GRIN2B: variants seen among roughly 807,000 people sequenced by gnomAD.
GRIN2B encodes the protein glutamate receptor ionotropic, NMDA 2B.
GRIN2B carries 5 observed loss-of-function variants against 114.5 expected under a neutral mutation model. That is an observed-to-expected ratio of 0.04 (90% confidence interval 0.02 to 0.09). The LOEUF is 0.09. Among genes scored for constraint, GRIN2B ranks in the 10% least tolerant of loss-of-function variants. GRIN2B has a pLI of 1.00. For missense variants in GRIN2B, 1,108 were observed against 1,943.5 expected (o/e 0.57, Z 8.08); for synonymous variants, 787 against 745.1 (o/e 1.06, Z -0.92).
intron 4 of GRIN2B, among the ~76,000 whole-genome samples, chr12:13,728,851 G>A (rs74732276): frequency 1.4e-3 from 213 of 152,296 alleles, no homozygotes; most frequent in African/African-American, 4.8e-3. Context: ...TAACCTACCA[G>A]TTTGATAATC....
At chr12:13,773,019 C>A (rs1863935205) in intron 3 of GRIN2B, among the ~76,000 whole-genome samples, 1 of 152,154 alleles carries the variant, frequency 6.6e-6, no homozygotes, top group Admixed American at 6.5e-5. Flanking sequence ...GGATTTCACA[C>A]TCCAACACAA....
At chr12:13,877,817 T>C (rs1174767526) in intron 2 of GRIN2B, among the ~76,000 whole-genome samples, 7 of 151,976 alleles carry the variant, frequency 4.6e-5, no homozygotes, top group Non-Finnish European at 1.0e-4. Flanking sequence ...AATCCCAGCA[T>C]TTTGGGAGGC....
At position 13,753,610 on chromosome 12, in the gene GRIN2B, G is replaced by A. The variant is rs759323084; in HGVS notation, c.717C>T (p.Tyr239=). 2.8e-5 allele frequency: 46 copies of A among 1,614,072 alleles called. No individual in the cohort carries two copies. The highest frequency in any genetic ancestry group is 3.7e-5 in the Non-Finnish European group (44 of 1,180,016). The part of the protein sequence containing the change: ...LLYCTKEEAT[Y]IFEVANSVGL... Reference sequence around the variant, plus strand: ...CTACTGAGTTGGCCACTTCAAAGATGTAGGTGGCTTCTTCCTTGGTACAGT... The same window carrying A: ...CTACTGAGTTGGCCACTTCAAAGATATAGGTGGCTTCTTCCTTGGTACAGT... Residue 239 remains tyrosine (Y), a synonymous_variant, in exon 4 of 14, where the codon TAC becomes TAT. Coordinates refer to ENST00000609686, the MANE Select transcript of GRIN2B (RefSeq NM_000834.5). The surrounding 1 kb of genome is among the most constrained non-coding windows in gnomAD (Gnocchi z 6.2).
At chr12:13,704,425 G>A (rs975349848) in intron 4 of GRIN2B, among the ~76,000 whole-genome samples, 32 of 152,226 alleles carry the variant, frequency 2.1e-4, no homozygotes, top group African/African-American at 6.7e-4. Context: ...ATCTTTTAAC[G>A]ACTCAAACCA....
chr12:13,866,137 G>T lies in GRIN2B; in HGVS notation c.72C>A (p.Ser24Arg). 6.2e-7 allele frequency: 1 copy of T among 1,613,584 alleles called. No homozygotes were observed. Residue 24 changes from serine to arginine, a missense_variant, in exon 3 of 14, where the codon AGC (serine) becomes AGA (arginine). Physicochemically the swap from Ser to Arg is moderately radical, Grantham distance 110. Transcript: ENST00000609686. The part of the protein sequence containing the change: ...LVLAVLAVSG[S>R]RARSQKSPPS... ...GGGGGCTCTTCTGAGAACGAGCTCT[G>T]CTGCCTGACACGGCCAGGACGGCCA...
At chr12:13,626,933 G>C (rs1048558444) in intron 5 of GRIN2B, among the ~76,000 whole-genome samples, 1 of 150,792 alleles carries the variant, frequency 6.6e-6, no homozygotes, top group African/African-American at 2.4e-5. Flanking sequence ...TCCACCTCCT[G>C]GTCTACTCAC....
intron 2 of GRIN2B, among the ~76,000 whole-genome samples, chr12:13,932,179 C>T (rs1867045713): frequency 6.6e-6 from 1 of 152,092 alleles, no homozygotes; most frequent in African/African-American, 2.4e-5. Flanking sequence ...CTAGCTACTG[C>T]TCAAACATAC....
intron 5 of GRIN2B, among the ~76,000 whole-genome samples, chr12:13,620,657 G>A (rs1297475387): frequency 6.6e-6 from 1 of 152,150 alleles, no homozygotes; most frequent in African/African-American, 2.4e-5. Flanking sequence ...AAAACACTGT[G>A]AGCCTCAGTT....
chr12:13,958,574 T>G (rs965215210), intron 2 of GRIN2B, among the ~76,000 whole-genome samples: 13 of 152,214 alleles, frequency 8.5e-5, no homozygotes, highest in African/African-American at 3.1e-4. Flanking sequence ...GAGGTTCTCA[T>G]TAGCAGATGC....
Position 13,615,041 on chromosome 12 carries a change from G to A in GRIN2B, c.1654+73C>T, listed in dbSNP as rs961287510. On this transcript the variant is annotated intron_variant, in intron 8 of 13. Coordinates refer to ENST00000609686, the MANE Select transcript of GRIN2B (RefSeq NM_000834.5). This position sits in a 1 kb window ranked among gnomAD's most constrained non-coding sequence, Gnocchi z 5.8. The stretch of plus-strand genomic sequence containing the variant: ...CTTCTAGCTGGAACAGCCTGGCCAT[G>A]TGCTCCTTTTTTCCTTATTTCACTT... The A allele has an allele frequency of 1.4e-5, 19 of 1,344,280 alleles. No homozygotes were observed. In the African/African-American group the frequency reaches 2.6e-4, roughly 18 times the overall value. 83.3% of individuals were successfully genotyped at this position (1,344,280 alleles called of 1,614,324 possible). A position where few individuals can be genotyped will look rare whatever the true frequency, so the allele number is the denominator to read the frequency against.
Position 13,980,254 on chromosome 12 carries a change from G to A in GRIN2B, c.-345C>T, listed in dbSNP as rs529314700. 3 of 152,116 alleles carry A rather than the reference G, an allele frequency of 2.0e-5. No homozygotes were observed. In the East Asian group the frequency reaches 5.8e-4, roughly 29 times the overall value. 9.4% of individuals were successfully genotyped at this position (152,116 alleles called of 1,614,324 possible). A position where few individuals can be genotyped will look rare whatever the true frequency, so the allele number is the denominator to read the frequency against. ...TTTAACGCTTCTTCTGGCAATTACG[G>A]TTTTTGGTTTTTGGAGCGTTAGTGG... On this transcript the variant is annotated 5_prime_UTR_variant, in exon 2 of 14. Transcript: ENST00000609686.
chr12:13,624,464 C>T (rs1488135465), intron 5 of GRIN2B, among the ~76,000 whole-genome samples: 1 of 152,226 alleles, frequency 6.6e-6, no homozygotes, highest in Non-Finnish European at 1.5e-5. Flanking sequence ...AGTGCAATGG[C>T]ACAATCTGCT....
intron 4 of GRIN2B, among the ~76,000 whole-genome samples, chr12:13,741,732 CT>C (rs1230473665): frequency 2.6e-5 from 4 of 151,900 alleles, no homozygotes; most frequent in African/African-American, 9.7e-5. Context: ...TTTAATATTT[CT>C]GTATTTTATA....
chr12:13,565,751 G>A (rs764899195), intron 13 of GRIN2B, among the ~76,000 whole-genome samples: 5 of 152,198 alleles, frequency 3.3e-5, no homozygotes, highest in Non-Finnish European at 7.3e-5. Flanking sequence ...GAATGAGAGG[G>A]GAGAGGGTTA....
intron 2 of GRIN2B, among the ~76,000 whole-genome samples, chr12:13,912,134 C>A (rs1046890897): frequency 6.6e-6 from 1 of 152,096 alleles, no homozygotes; most frequent in Middle Eastern, 3.4e-3. Flanking sequence ...TGCTTCCCAC[C>A]CCAGGAAGCA....
At chr12:13,809,292 G>T (rs995554230) in intron 3 of GRIN2B, among the ~76,000 whole-genome samples, 7 of 152,162 alleles carry the variant, frequency 4.6e-5, no homozygotes, top group Non-Finnish European at 7.3e-5. Flanking sequence ...AACAAGGTGT[G>T]GTAGGAAGAC....
At chr12:13,825,172 T>C (rs1419354803) in intron 3 of GRIN2B, among the ~76,000 whole-genome samples, 1 of 152,020 alleles carries the variant, frequency 6.6e-6, no homozygotes, top group Non-Finnish European at 1.5e-5. Flanking sequence ...TTGTGATTTC[T>C]TTTTTGACTC....
chr12:13,838,662 T>C (rs1865324128), intron 3 of GRIN2B, among the ~76,000 whole-genome samples: 1 of 152,080 alleles, frequency 6.6e-6, no homozygotes, highest in Admixed American at 6.5e-5. Flanking sequence ...GTGAAAACAC[T>C]CATTCCATCA....
intron 3 of GRIN2B, among the ~76,000 whole-genome samples, chr12:13,822,355 T>C (rs1393247181): frequency 1.3e-5 from 2 of 152,116 alleles, no homozygotes; most frequent in Non-Finnish European, 2.9e-5. Context: ...GATCTAAACA[T>C]AATCAATCGG....
Sources: allele counts gnomAD v4.1 joint callset (sites outside exome capture counted in the v4.1 genomes callset), GRCh38; gene constraint gnomAD v4.1.1; non-coding constraint Gnocchi (gnomAD v3.1); transcripts MANE v1.5; gene names NCBI Gene and HGNC (gene_info 2026-07-23, HGNC 2026-07-21).